Variants in LARS2 observed in about 807,000 individuals in gnomAD.
The protein encoded by LARS2 is leucyl-tRNA synthetase 2, mitochondrial.
In LARS2, 81 loss-of-function variants were observed where a neutral mutation model predicts 116.6. That is an observed-to-expected ratio of 0.69 (90% confidence interval 0.58 to 0.84). The LOEUF (loss-of-function observed/expected upper bound fraction) is 0.84, where lower values mean the gene tolerates loss of function less well. Among genes scored for constraint, LARS2 ranks in the 40% least tolerant of loss-of-function variants. LARS2 has a pLI of 0.00. For missense variants in LARS2, 968 were observed against 1,114.5 expected, an observed-to-expected ratio of 0.87 and a Z score of 1.87; for synonymous variants, 396 against 407.2, an observed-to-expected ratio of 0.97 and a Z score of 0.33.
chr3:45,511,713 A>G (rs1375145956), intron 15 of LARS2, among the ~76,000 whole-genome samples: 1 of 151,798 alleles, frequency 6.6e-6, no homozygotes, highest in Non-Finnish European at 1.5e-5. Context: ...ATAAAATACA[A>G]GACCTAAGAA....
chr3:45,520,349 G>A, intron 19 of LARS2, 53 bp downstream of exon 19: 2 of 1,450,326 alleles, frequency 1.4e-6, no homozygotes, highest in Non-Finnish European at 1.9e-6. Flanking sequence ...GAGAGGTGTG[G>A]CAAGGGGCCC....
intron 7 of LARS2, among the ~76,000 whole-genome samples, chr3:45,451,914 C>A (rs920275578): frequency 6.6e-6 from 1 of 151,988 alleles, no homozygotes; most frequent in East Asian, 1.9e-4. Context: ...AGATCTTTAA[C>A]CTTGCTTAAA....
chr3:45,408,135 G>A (rs1698264105), intron 4 of LARS2, among the ~76,000 whole-genome samples: 1 of 152,152 alleles, frequency 6.6e-6, no homozygotes, highest in Non-Finnish European at 1.5e-5. Flanking sequence ...AGCCTTCTCT[G>A]TCTGTCATAT....
At chr3:45,424,578 C>G (rs1228077763) in intron 6 of LARS2, among the ~76,000 whole-genome samples, 1 of 150,984 alleles carries the variant, frequency 6.6e-6, no homozygotes, top group Non-Finnish European at 1.5e-5. Flanking sequence ...CCACCACCAC[C>G]TGATCCGTTG....
intron 4 of LARS2, among the ~76,000 whole-genome samples, chr3:45,413,404 C>T (rs1423425662): frequency 6.6e-6 from 1 of 152,198 alleles, no homozygotes; most frequent in Non-Finnish European, 1.5e-5. Flanking sequence ...CTGTGCTGTG[C>T]CGGGCACCAT....
chr3:45,417,625 A>AT (rs1051234864), intron 5 of LARS2, 52 bp downstream of exon 5: 3 of 1,395,112 alleles, frequency 2.2e-6, no homozygotes, highest in Non-Finnish European at 3.0e-6. Flanking sequence ...CCTTTAAAAA[A>AT]TTTTTTTAAC....
chr3:45,547,347 T>C lies in LARS2; in HGVS notation c.2533-4T>C, dbSNP rs369204755. 3.7e-6 allele frequency: 6 copies of C among 1,601,440 alleles called. No individual in the cohort carries two copies. In the African/African-American group the frequency reaches 8.1e-5, roughly 22 times the overall value. On this transcript the variant is annotated splice_region_variant and splice_polypyrimidine_tract_variant and intron_variant, in intron 21 of 21. Coordinates refer to ENST00000645846, the MANE Select transcript of LARS2 (RefSeq NM_015340.4). Reference sequence around the variant, plus strand: ...TTGTTTATCTTGGCTTTTCTCCTTCTCAGATCAACAATAAAGCTTGTGGCA... The same window carrying C: ...TTGTTTATCTTGGCTTTTCTCCTTCCCAGATCAACAATAAAGCTTGTGGCA...
chr3:45,445,935 G>A (rs1035886486), intron 6 of LARS2, among the ~76,000 whole-genome samples: 3 of 152,152 alleles, frequency 2.0e-5, no homozygotes, highest in African/African-American at 4.8e-5. Flanking sequence ...ATTACAAGGC[G>A]TGGTGGCACA....
In LARS2 at chr3:45,518,075, C is replaced by A; in HGVS notation, c.2214+3C>A. On this transcript the variant is annotated splice_donor_region_variant and intron_variant, in intron 18 of 21. Transcript: ENST00000645846. ...ACAAGAACTCCGTCATCTCTCAGGTCAGAAACTCTCCAATTCCAGGGGTTA... is the reference window on the plus strand; with the variant it reads ...ACAAGAACTCCGTCATCTCTCAGGTAAGAAACTCTCCAATTCCAGGGGTTA... 1 of 1,608,114 alleles carries A rather than the reference C, an allele frequency of 6.2e-7. No homozygotes were observed. The highest frequency in any genetic ancestry group is 8.5e-7 in the Non-Finnish European group (1 of 1,176,612).
At chr3:45,471,133 CG>C (rs1559479738) in intron 8 of LARS2, among the ~76,000 whole-genome samples, 1 of 151,118 alleles carries the variant, frequency 6.6e-6, no homozygotes, top group Admixed American at 6.6e-5. Flanking sequence ...GCTGTAGCAC[CG>C]TAACTACTCA....
At chr3:45,473,767 A>G (rs1343641141) in intron 8 of LARS2, among the ~76,000 whole-genome samples, 1 of 151,160 alleles carries the variant, frequency 6.6e-6, no homozygotes, top group Non-Finnish European at 1.5e-5. Context: ...AATTAATGTC[A>G]TGTTTCCCTT....
At chr3:45,488,840 A>G in intron 12 of LARS2, 28 bp downstream of exon 12, 2 of 1,340,388 alleles carry the variant, frequency 1.5e-6, no homozygotes, top group South Asian at 2.3e-5. Flanking sequence ...TACTTCCAGA[A>G]TGATCACCTT....
At chr3:45,470,133 G>A (rs1699496884) in intron 8 of LARS2, among the ~76,000 whole-genome samples, 1 of 151,982 alleles carries the variant, frequency 6.6e-6, no homozygotes, top group African/African-American at 2.4e-5. Flanking sequence ...CTTCTAAAAC[G>A]TATCATGTTT....
chr3:45,435,781 T>C (rs1410508605), intron 6 of LARS2, among the ~76,000 whole-genome samples: 1 of 152,208 alleles, frequency 6.6e-6, no homozygotes, highest in Non-Finnish European at 1.5e-5. Flanking sequence ...TAGGTACTCA[T>C]GTCCCTAACC....
chr3:45,490,525 T>C lies in LARS2; in HGVS notation c.1240-992T>C, dbSNP rs185740882. 3.2e-3 allele frequency among the ~76,000 whole-genome samples: 489 copies of C among 152,338 alleles called. 5 individuals are homozygous for C. Among genetic ancestry groups the C allele is most frequent in the Middle Eastern group, 0.01 (3 of 294 alleles). The stretch of plus-strand genomic sequence containing the variant: ...ACAGTGGTGTTAGGAGAAGACTGAC[T>C]TTCAGGAGAGCTTTTTATGATTTGC... On this transcript the variant is annotated intron_variant, in intron 12 of 21. Coordinates refer to ENST00000645846, the MANE Select transcript of LARS2 (RefSeq NM_015340.4).
At chr3:45,485,137 G>T (rs1312050354) in intron 10 of LARS2, among the ~76,000 whole-genome samples, 9 of 152,084 alleles carry the variant, frequency 5.9e-5, no homozygotes, top group Admixed American at 5.2e-4. Flanking sequence ...TTGTTTCCTG[G>T]ATCCTATGTC....
chr3:45,490,743 G>A (rs1212954556), intron 12 of LARS2, among the ~76,000 whole-genome samples: 1 of 152,222 alleles, frequency 6.6e-6, no homozygotes, highest in East Asian at 1.9e-4. Context: ...TAGATGCCCA[G>A]TGGGTCTTCA....
rs2125704258 is a variant in LARS2 at position 45,446,948 on chromosome 3, C to G, written c.574C>G (p.Leu192Val). 6.2e-7 allele frequency: 1 copy of G among 1,609,126 alleles called. No homozygotes were observed. Among genetic ancestry groups the G allele is most frequent in the East Asian group, 2.2e-5 (1 of 44,812 alleles). Residue 192 changes from leucine to valine, a missense_variant, in exon 7 of 22, where the codon CTG becomes GTG. Transcript: ENST00000645846. ...GTGGACTCAGTATCTCTTTATTAAACTGTATGAGGCTGGGCTGGCCTATCA... is the reference window on the plus strand; with the variant it reads ...GTGGACTCAGTATCTCTTTATTAAAGTGTATGAGGCTGGGCTGGCCTATCA... Reference protein sequence around the residue: ...YKWTQYLFIKLYEAGLAYQKE... With the variant: ...YKWTQYLFIKVYEAGLAYQKE...
At position 45,439,210 on chromosome 3, in the gene LARS2, C is replaced by CTTTTTTTTT. The variant is rs575140221; in HGVS notation, c.517-7660_517-7652dup. 2.2e-4 allele frequency among the ~76,000 whole-genome samples: 14 copies of CTTTTTTTTT among 62,458 alleles called. 1 individual carries two copies. The highest frequency in any genetic ancestry group is 7.9e-4 in the African/African-American group (12 of 15,276). 41.0% of individuals were successfully genotyped at this position (62,458 alleles called of 152,430 possible). A position where few individuals can be genotyped will look rare whatever the true frequency, so the allele number is the denominator to read the frequency against. On this transcript the variant is annotated intron_variant, in intron 6 of 21. Coordinates refer to ENST00000645846, the MANE Select transcript of LARS2 (RefSeq NM_015340.4). The stretch of plus-strand genomic sequence containing the variant: ...AGAAATGAGCTGTCAGAAACTCTGG[C>CTTTTTTTTT]TTTTTTTTTTTTTTTTTTTTTTTTT...
Sources: allele counts gnomAD v4.1 joint callset (sites outside exome capture counted in the v4.1 genomes callset), GRCh38; gene constraint gnomAD v4.1.1; transcripts MANE v1.5; gene names NCBI Gene and HGNC (gene_info 2026-07-23, HGNC 2026-07-21).